ARK2N: variants seen among roughly 807,000 people sequenced by gnomAD.
ARK2N encodes protein ARK2N.
chr18:46,202,640 T>C, the ARK2N span, among the ~76,000 whole-genome samples: 1 of 151,848 alleles, frequency 6.6e-6, no homozygotes, highest in Non-Finnish European at 1.5e-5. Context: ...ATACAAAAAT[T>C]AGCTGGGCGT....
At chr18:46,220,019 G>C in the ARK2N span, among the ~76,000 whole-genome samples, 86 of 152,166 alleles carry the variant, frequency 5.7e-4, no homozygotes, top group Non-Finnish European at 2.6e-4. Context: ...ATGGTCAGTG[G>C]GGAAAAGTTT....
the ARK2N span, among the ~76,000 whole-genome samples, chr18:46,237,209 AT>A: frequency 1.0e-4 from 15 of 150,742 alleles, no homozygotes; most frequent in East Asian, 3.9e-4. Flanking sequence ...CTCCCTAGTG[AT>A]TTTTTTTTCC....
At chr18:46,177,241 A>T in the ARK2N span, among the ~76,000 whole-genome samples, 1 of 152,012 alleles carries the variant, frequency 6.6e-6, no homozygotes, top group Non-Finnish European at 1.5e-5. Context: ...TAGAAGGGGG[A>T]TAGAAAATAG....
At chr18:46,174,302 A>T in the ARK2N span, 2 of 152,208 alleles carry the variant, frequency 1.3e-5, no homozygotes, top group Admixed American at 1.3e-4. Context: ...GAAGCGAGCG[A>T]GAAGGCACGG....
At chr18:46,262,905 T>C in the ARK2N span, 2 of 1,609,024 alleles carry the variant, frequency 1.2e-6, no homozygotes, top group African/African-American at 1.3e-5. Flanking sequence ...TTAACCATGC[T>C]TTTGTTCTTC....
At chr18:46,236,971 C>T in the ARK2N span, among the ~76,000 whole-genome samples, 1 of 151,158 alleles carries the variant, frequency 6.6e-6, no homozygotes, top group African/African-American at 2.4e-5. Flanking sequence ...TCAAGTGATT[C>T]TCCTGCCTCA....
the ARK2N span, among the ~76,000 whole-genome samples, chr18:46,241,515 A>C: frequency 1.3e-5 from 2 of 152,092 alleles, no homozygotes; most frequent in African/African-American, 4.8e-5. Context: ...TGAGGTCAGG[A>C]GTTCAAGACC....
the ARK2N span, among the ~76,000 whole-genome samples, chr18:46,174,617 C>T: frequency 6.6e-6 from 1 of 152,154 alleles, no homozygotes; most frequent in Non-Finnish European, 1.5e-5. Flanking sequence ...CTCCGGCACT[C>T]CAAGCCCCCA....
the ARK2N span, among the ~76,000 whole-genome samples, chr18:46,203,801 G>T: frequency 6.6e-6 from 1 of 152,068 alleles, no homozygotes; most frequent in Non-Finnish European, 1.5e-5. Flanking sequence ...TGCCCAGGCT[G>T]GTCTCAAACT....
At chr18:46,209,003 C>G in the ARK2N span, among the ~76,000 whole-genome samples, 1 of 152,040 alleles carries the variant, frequency 6.6e-6, no homozygotes, top group Non-Finnish European at 1.5e-5. Flanking sequence ...AAGATAGGTA[C>G]AAAATGAAAA....
chr18:46,178,026 C>A, the ARK2N span, among the ~76,000 whole-genome samples: 8 of 152,180 alleles, frequency 5.3e-5, no homozygotes, highest in African/African-American at 2.4e-5. Flanking sequence ...ACAAGGCCAC[C>A]TGGTGCTTAA....
the ARK2N span, among the ~76,000 whole-genome samples, chr18:46,243,722 A>G: frequency 6.6e-6 from 1 of 152,300 alleles, no homozygotes; most frequent in South Asian, 2.1e-4. Context: ...ACCAGTGGCC[A>G]CTTAGAAACT....
the ARK2N span, among the ~76,000 whole-genome samples, chr18:46,181,275 G>A: frequency 1.3e-5 from 2 of 151,942 alleles, no homozygotes; most frequent in African/African-American, 2.4e-5. Flanking sequence ...GGTGGGGGGG[G>A]AAATGTCGTT....
chr18:46,216,489 C>T, the ARK2N span: 1 of 1,614,126 alleles, frequency 6.2e-7, no homozygotes, highest in East Asian at 2.2e-5. This position sits in a 1 kb window ranked among gnomAD's most constrained non-coding sequence, Gnocchi z 4.3. Flanking sequence ...TGCTGCAGGA[C>T]AGTAGTACCA....
the ARK2N span, among the ~76,000 whole-genome samples, chr18:46,183,665 G>A: frequency 6.6e-6 from 1 of 151,768 alleles, no homozygotes; most frequent in Non-Finnish European, 1.5e-5. Context: ...TGGAGAAAAG[G>A]GCTCTTTCTA....
the ARK2N span, among the ~76,000 whole-genome samples, chr18:46,231,609 G>C: frequency 1.5e-5 from 2 of 132,608 alleles, no homozygotes; most frequent in Admixed American, 1.7e-4. Context: ...CTAGCAGACC[G>C]AATAGAAGAA....
At chr18:46,239,942 A>G in the ARK2N span, 2 of 1,473,240 alleles carry the variant, frequency 1.4e-6, no homozygotes, top group South Asian at 1.2e-5. Context: ...GGCTCTTACT[A>G]GTTTCAGAAG....
the ARK2N span, among the ~76,000 whole-genome samples, chr18:46,259,772 CTGTGTGTGTGTGTGTG>C: frequency 1.9e-5 from 2 of 104,858 alleles, no homozygotes; most frequent in Admixed American, 9.8e-5. Context: ...CACCCAGCTA[CTGTGTGTGTGTGTGTG>C]TGTGTGTGTG....
the ARK2N span, among the ~76,000 whole-genome samples, chr18:46,254,891 A>ACATG: frequency 6.7e-6 from 1 of 148,258 alleles, no homozygotes; most frequent in Non-Finnish European, 1.5e-5. Flanking sequence ...CCCCTGCCGC[A>ACATG]CATGCACACA....
Sources: gnomAD v4.1 joint callset for allele counts (sites outside exome capture counted in the v4.1 genomes callset) on GRCh38, gnomAD v4.1.1 for gene constraint, Gnocchi (gnomAD v3.1) non-coding constraint, MANE v1.5 for transcripts, NCBI Gene and HGNC (gene_info 2026-07-23, HGNC 2026-07-21) for gene names.